Variants in RALB observed in about 807,000 individuals in gnomAD.
The protein encoded by RALB is RAS like proto-oncogene B.
In RALB, 16 loss-of-function variants were observed where a neutral mutation model predicts 21.3. The observed-to-expected ratio is 0.75, with a 90% CI of 0.51 to 1.14. The LOEUF is 1.14. Ranked by LOEUF, RALB falls within the 50% of genes most tolerant of loss-of-function variation. The pLI, the probability that RALB is intolerant of heterozygous loss-of-function variation, is 0.00. For missense variants in RALB, 161 were observed against 256.2 expected, an observed-to-expected ratio of 0.63 and a Z score of 2.54; for synonymous variants, 93 against 96.1, an observed-to-expected ratio of 0.97 and a Z score of 0.19.
At chr2:120,266,410 A>G (rs541409895) in intron 1 of RALB, among the ~76,000 whole-genome samples, 2 of 152,096 alleles carry the variant, frequency 1.3e-5, no homozygotes, top group African/African-American at 4.8e-5. Context: ...ACGCCCAGCT[A>G]ATTTTTATAT....
Position 120,285,971 on chromosome 2 carries a change from G to T in RALB, c.212G>T (p.Gly71Val). Residue 71 changes from glycine to valine, a missense_variant, in exon 3 of 5, where the codon GGG becomes GTG. Physicochemically the swap from Gly to Val is moderately radical, Grantham distance 109 (BLOSUM62 -3). Transcript: ENST00000272519. The stretch of plus-strand genomic sequence containing the variant: ...CAGATAGATATTCTGGACACCGCTG[G>T]GCAAGAGGACTACGCAGCCATTCGA... The part of the protein sequence containing the change: ...EVQIDILDTA[G>V]QEDYAAIRDN... 1 of 1,613,928 alleles carries T rather than the reference G, an allele frequency of 6.2e-7. No homozygotes were observed. The highest frequency in any genetic ancestry group is 8.5e-7 in the Non-Finnish European group (1 of 1,179,936).
chr2:120,241,754 A>C (rs1460955089), intron 1 of RALB, among the ~76,000 whole-genome samples: 1 of 152,134 alleles, frequency 6.6e-6, no homozygotes, highest in Non-Finnish European at 1.5e-5. Context: ...AAAACAAAAC[A>C]AAAAAACAGA....
At chr2:120,258,458 A>G (rs1231987172) in intron 1 of RALB, among the ~76,000 whole-genome samples, 1 of 152,342 alleles carries the variant, frequency 6.6e-6, no homozygotes, top group Non-Finnish European at 1.5e-5. Flanking sequence ...CAGGGCTGGA[A>G]GAAGGCAAGG....
chr2:120,248,656 T>A (rs1341684372), upstream of RALB, among the ~76,000 whole-genome samples: 1 of 152,154 alleles, frequency 6.6e-6, no homozygotes, highest in African/African-American at 2.4e-5. Flanking sequence ...GCCAGAGTAA[T>A]GTTTTTTCTT....
In RALB at chr2:120,270,895, A is replaced by C. The variant is rs572337267; in HGVS notation, c.-47-7723A>C. On this transcript the variant is annotated intron_variant, in intron 1 of 4. Transcript: ENST00000272519. ...ATTGCCAGACTCAAATATTATGATT[A>C]TGGCCTACTAGGTGACCTTCAGTTC... Among the ~76,000 whole-genome samples, 9 of 152,318 alleles carry C rather than the reference A, an allele frequency of 5.9e-5. No homozygotes were observed. In the East Asian group the frequency reaches 1.5e-3, roughly 26 times the overall value.
At chr2:120,251,411 A>G (rs969534460), upstream of RALB, among the ~76,000 whole-genome samples, 3 of 152,228 alleles carry the variant, frequency 2.0e-5, no homozygotes, top group Non-Finnish European at 2.9e-5. Context: ...CTAGCACTGT[A>G]CTGAGAGCTC....
At chr2:120,252,804 G>T (rs1689085470), upstream of RALB, 1 of 985,584 alleles carries the variant, frequency 1.0e-6, no homozygotes, top group South Asian at 4.7e-5. Context: ...GCGCGCTCTC[G>T]AGAGGAGGGG....
chr2:120,282,921 A>G (rs1175396960), intron 2 of RALB, among the ~76,000 whole-genome samples: 2 of 152,090 alleles, frequency 1.3e-5, no homozygotes, highest in Non-Finnish European at 2.9e-5. Flanking sequence ...TGGCTACTAT[A>G]TTGGACAGAA....
chr2:120,253,110 G>A, intron 1 of RALB, 130 bp downstream of exon 1: 1 of 621,426 alleles, frequency 1.6e-6, no homozygotes, highest in South Asian at 7.0e-5. Context: ...GACATGTCGC[G>A]CCCCGAGGCC....
In RALB at chr2:120,289,627, T is replaced by G. The variant is rs1690258843; in HGVS notation, c.371T>G (p.Leu124Arg). 1 of 1,614,078 alleles carries G rather than the reference T, an allele frequency of 6.2e-7. No homozygotes were observed. Among genetic ancestry groups the G allele is most frequent in the Admixed American group, 1.7e-5 (1 of 60,000 alleles). The change falls in exon 4 of 5, where the codon CTC (leucine) becomes CGC (arginine). Residue 124 changes from leucine (L) to arginine (R), a missense_variant. By Grantham distance (102) the Leu-to-Arg change is moderately radical (BLOSUM62 -2). Transcript: ENST00000272519. The part of the protein sequence containing the change: ...VKAEEDKIPL[L>R]VVGNKSDLEE... ...GCTGAAGAAGATAAAATTCCACTGC[T>G]CGTCGTGGGAAACAAGTCTGACCTA...
chr2:120,259,823 C>T (rs1031717648), intron 1 of RALB, among the ~76,000 whole-genome samples: 7 of 152,340 alleles, frequency 4.6e-5, no homozygotes, highest in South Asian at 2.1e-4. Flanking sequence ...CGGGGAGGCT[C>T]GGGCCGCACA....
intron 2 of RALB, among the ~76,000 whole-genome samples, chr2:120,284,804 C>T (rs1221340581): frequency 6.6e-6 from 1 of 152,130 alleles, no homozygotes; most frequent in Non-Finnish European, 1.5e-5. Context: ...CCCGTCCCAC[C>T]CCTGGCCTCT....
At chr2:120,260,789 TAAAG>T (rs1174301473) in intron 1 of RALB, among the ~76,000 whole-genome samples, 1 of 152,234 alleles carries the variant, frequency 6.6e-6, no homozygotes. Flanking sequence ...TTGCTCATTT[TAAAG>T]AGGAGGAGGG....
chr2:120,262,337 C>T (rs1303794331), intron 1 of RALB, among the ~76,000 whole-genome samples: 1 of 152,110 alleles, frequency 6.6e-6, no homozygotes, highest in Non-Finnish European at 1.5e-5. Context: ...ATAGCATCTG[C>T]TTGATGTGGT....
At chr2:120,254,060 A>G (rs1689131089) in intron 1 of RALB, among the ~76,000 whole-genome samples, 1 of 152,232 alleles carries the variant, frequency 6.6e-6, no homozygotes, top group Admixed American at 6.5e-5. Flanking sequence ...ATAGAAGCAC[A>G]GTATCGAAGT....
At position 120,293,184 on chromosome 2, in the gene RALB, C is replaced by A; in HGVS notation, c.545C>A (p.Ser182Ter). ...AGAGAAATCAGAACAAAGAAGATGT[C>A]AGAAAACAAAGACAAGAATGGCAAG... is the stretch of plus-strand genomic sequence containing the variant. ...LMREIRTKKMSENKDKNGKKS... is the reference protein window; with the variant it reads ...LMREIRTKKM The change falls in exon 5 of 5, where the codon TCA becomes TAA. Residue 182 changes from serine to a stop codon, truncating the protein, a stop_gained. Transcript: ENST00000272519. LOFTEE classifies it high-confidence loss of function. 4 of 1,613,512 alleles carry A rather than the reference C, an allele frequency of 2.5e-6. No individual in the cohort carries two copies. The South Asian group carries it at 4.4e-5, about 18-fold the overall frequency.
intron 1 of RALB, among the ~76,000 whole-genome samples, chr2:120,242,517 G>A (rs1574839053): frequency 6.6e-6 from 1 of 152,108 alleles, no homozygotes; most frequent in Admixed American, 6.5e-5. Flanking sequence ...GGTTGATCAC[G>A]AGGTCAGGAG....
intron 1 of RALB, among the ~76,000 whole-genome samples, chr2:120,260,784 C>T (rs1405417754): frequency 6.6e-6 from 1 of 152,196 alleles, no homozygotes; most frequent in African/African-American, 2.4e-5. Context: ...GCTACTTGCT[C>T]ATTTTAAAGA....
chr2:120,280,193 C>T (rs1033720939), intron 2 of RALB, among the ~76,000 whole-genome samples: 1 of 152,124 alleles, frequency 6.6e-6, no homozygotes, highest in Non-Finnish European at 1.5e-5. Flanking sequence ...TAGAGGTTTC[C>T]TAAATTTGGC....
Sources: gnomAD v4.1 joint callset for allele counts (sites outside exome capture counted in the v4.1 genomes callset) on GRCh38, gnomAD v4.1.1 for gene constraint, MANE v1.5 for transcripts, NCBI Gene and HGNC (gene_info 2026-07-23, HGNC 2026-07-21) for gene names.